Variants in BEND4 observed in about 807,000 individuals in gnomAD.
The protein encoded by BEND4 is BEN domain-containing protein 4.
In BEND4, 27 loss-of-function variants were observed where a neutral mutation model predicts 54.7. That is an observed-to-expected ratio of 0.49 (90% CI 0.36 to 0.68). BEND4 has a LOEUF of 0.68. Among genes scored for constraint, BEND4 ranks in the 30% least tolerant of loss-of-function variants. The probability of loss-of-function intolerance (pLI) is 0.00; values close to 1 mark genes in which losing one functional copy is unlikely to be tolerated. For synonymous variants in BEND4, 327 were observed against 299.5 expected (o/e 1.09, Z -0.95); for missense variants, 702 against 697.2 (o/e 1.01, Z -0.08).
chr4:42,117,711 G>A lies in BEND4; in HGVS notation c.1412C>T (p.Ser471Phe). 1.2e-6 allele frequency: 2 copies of A among 1,606,310 alleles called. No individual in the cohort carries two copies. Among genetic ancestry groups the A allele is most frequent in the Non-Finnish European group, 1.7e-6 (2 of 1,176,064 alleles). Residue 471 changes from serine to phenylalanine, a missense_variant, in exon 6 of 6, where the codon TCC (serine) becomes TTC (phenylalanine). Physicochemically the swap from Ser to Phe is radical, Grantham distance 155. Transcript: ENST00000502486. ...LREFIRMHCTSNPDWWMPSEE... is the reference protein window; with the variant it reads ...LREFIRMHCTFNPDWWMPSEE... ...CGAGGGCATCCACCAATCGGGGTTG[G>A]AGGTACAATGCATCCTAATGAATTC...
chr4:42,139,494 T>C (rs1720811380), intron 3 of BEND4, among the ~76,000 whole-genome samples: 1 of 151,382 alleles, frequency 6.6e-6, no homozygotes, highest in African/African-American at 2.4e-5. Flanking sequence ...CCTTGACAGG[T>C]GCCCAAGTGA....
chr4:42,145,503 C>T (rs1020396618), intron 2 of BEND4, among the ~76,000 whole-genome samples: 1 of 151,994 alleles, frequency 6.6e-6, no homozygotes, highest in Non-Finnish European at 1.5e-5. Flanking sequence ...ACCATCCTGG[C>T]CAACACGGTG....
chr4:42,144,966 C>A (rs1179015870), intron 2 of BEND4, among the ~76,000 whole-genome samples: 1 of 152,130 alleles, frequency 6.6e-6, no homozygotes, highest in African/African-American at 2.4e-5. Flanking sequence ...GAGAGGGGCA[C>A]TTTTCAGAGC....
intron 4 of BEND4, 34 bp from the exon 5 acceptor site, chr4:42,120,328 GAGCC>G: frequency 6.3e-7 from 1 of 1,584,984 alleles, no homozygotes; most frequent in Middle Eastern, 1.7e-4. Context: ...ATTACCCACC[GAGCC>G]AGCCAGCCAG....
chr4:42,117,686 C>T lies in BEND4; in HGVS notation c.1437G>A (p.Ser479=), dbSNP rs371099306. The T allele has an allele frequency of 6.1e-5, 98 of 1,609,940 alleles. 1 individual carries two copies. The highest frequency in any genetic ancestry group is 5.1e-4 in the South Asian group (46 of 90,028). The change falls in exon 6 of 6, where the codon TCG becomes TCA. Residue 479 remains serine (S), a synonymous_variant. Transcript: ENST00000502486. ...TGAACACTTTGTTTATCTGCTCTTC[C>T]GAGGGCATCCACCAATCGGGGTTGG... ...CTSNPDWWMP[S]EEQINKVFSD...
chr4:42,150,507 G>A (rs1462739392), intron 2 of BEND4, among the ~76,000 whole-genome samples: 1 of 152,236 alleles, frequency 6.6e-6, no homozygotes, highest in Non-Finnish European at 1.5e-5. Flanking sequence ...AACTCATTTA[G>A]ACACAACACT....
intron 5 of BEND4, among the ~76,000 whole-genome samples, chr4:42,118,588 T>C (rs1314011539): frequency 1.3e-5 from 2 of 152,210 alleles, no homozygotes. Flanking sequence ...ACTAGTTCTC[T>C]GGGATGTATT....
In BEND4 at chr4:42,143,793, T is replaced by C. The variant is rs1720977539; in HGVS notation, c.689A>G (p.Asp230Gly). 1.9e-6 allele frequency: 3 copies of C among 1,609,278 alleles called. No individual in the cohort carries two copies. Among genetic ancestry groups the C allele is most frequent in the Middle Eastern group, 1.7e-4 (1 of 6,044 alleles). Residue 230 changes from aspartate to glycine, a missense_variant, in exon 3 of 6, where the codon GAC becomes GGC. Transcript: ENST00000502486. ...GVHSQTSDNV[D>G]IEMQYMQRKQ... is the part of the protein sequence containing the mutation. ...CCTTTGCATATACTGCATCTCTATGTCTACATTGTCTGAGGTCTGACTGTG... is the reference window on the plus strand; with the variant it reads ...CCTTTGCATATACTGCATCTCTATGCCTACATTGTCTGAGGTCTGACTGTG...
intron 3 of BEND4, among the ~76,000 whole-genome samples, chr4:42,132,331 T>G (rs1435941310): frequency 6.6e-6 from 1 of 152,130 alleles, no homozygotes; most frequent in East Asian, 1.9e-4. Flanking sequence ...AGAGAGTGAG[T>G]CTTGGCTTTC....
intron 3 of BEND4, among the ~76,000 whole-genome samples, chr4:42,140,544 A>G (rs1164631379): frequency 1.3e-5 from 2 of 152,202 alleles, no homozygotes; most frequent in Admixed American, 6.5e-5. Context: ...TTTGATCATC[A>G]AGAAGGCTCA....
intron 5 of BEND4, among the ~76,000 whole-genome samples, chr4:42,118,801 G>T (rs1719947867): frequency 6.6e-6 from 1 of 152,172 alleles, no homozygotes; most frequent in Non-Finnish European, 1.5e-5. Flanking sequence ...CATCTCTGAT[G>T]ATGTCAGGGA....
In BEND4 at chr4:42,152,323, CCGCGCGGGGGGCTGCCG is replaced by C; in HGVS notation, c.-197_-181del. ...CGCTGAGGCTGGCATCGCCGAGCCC[CCGCGCGGGGGGCTGCCG>C]CCCGAGCTCCTGATTGACAGGCTGC... On this transcript the variant is annotated 5_prime_UTR_variant, in exon 2 of 6. Coordinates refer to ENST00000502486, the MANE Select transcript of BEND4 (RefSeq NM_207406.4). 2.2e-6 allele frequency: 1 copy of C among 453,708 alleles called. No homozygotes were observed. Among genetic ancestry groups the C allele is most frequent in the Non-Finnish European group, 3.4e-6 (1 of 290,448 alleles). The allele number at this position is 453,708 out of a possible 1,614,324, so 28.1% of individuals were successfully genotyped here. A position where few individuals can be genotyped will look rare whatever the true frequency, so the allele number is the denominator to read the frequency against.
chr4:42,140,613 CCAA>C (rs1720847687), intron 3 of BEND4, among the ~76,000 whole-genome samples: 1 of 152,184 alleles, frequency 6.6e-6, no homozygotes, highest in Admixed American at 6.5e-5. Flanking sequence ...TAGTGGCAAG[CCAA>C]CACTGAGTTA....
intron 3 of BEND4, 72 bp from the exon 4 acceptor site, chr4:42,125,746 T>G (rs1431823968): frequency 7.3e-6 from 4 of 551,250 alleles, no homozygotes; most frequent in African/African-American, 6.3e-5. Flanking sequence ...TTTTTTAAAG[T>G]TTTTTTTTTT....
At chr4:42,125,721 A>G (rs749327462) in intron 3 of BEND4, 47 bp from the exon 4 acceptor site, 4 of 1,242,802 alleles carry the variant, frequency 3.2e-6, no homozygotes, top group Non-Finnish European at 4.5e-6. Flanking sequence ...ATCCCGTAAC[A>G]TGAAAATAAA....
intron 2 of BEND4, among the ~76,000 whole-genome samples, chr4:42,144,614 T>C (rs545858280): frequency 5.3e-5 from 8 of 152,234 alleles, no homozygotes; most frequent in Admixed American, 3.9e-4. Flanking sequence ...TTCCTTCTTT[T>C]CATTTATTTG....
At chr4:42,141,204 G>A (rs538630631) in intron 3 of BEND4, among the ~76,000 whole-genome samples, 3 of 152,254 alleles carry the variant, frequency 2.0e-5, no homozygotes, top group South Asian at 2.1e-4. Flanking sequence ...AGGAGAAAAC[G>A]GATTTGCTGC....
intron 4 of BEND4, among the ~76,000 whole-genome samples, chr4:42,123,704 A>ACAAAAAAAACAAAAC (rs756189913): frequency 2.7e-4 from 30 of 112,946 alleles, no homozygotes; most frequent in African/African-American, 7.8e-4. Context: ...GAAAAAAAAA[A>ACAAAAAAAACAAAAC]AAAAAAAAAA....
At chr4:42,129,600 C>G (rs1377397204) in intron 3 of BEND4, among the ~76,000 whole-genome samples, 1 of 152,174 alleles carries the variant, frequency 6.6e-6, no homozygotes, top group African/African-American at 2.4e-5. Context: ...CTACAACCAT[C>G]TGATCTTCAA....
Sources: gnomAD v4.1 joint callset for allele counts (sites outside exome capture counted in the v4.1 genomes callset) on GRCh38, gnomAD v4.1.1 for gene constraint, MANE v1.5 for transcripts, NCBI Gene and HGNC (gene_info 2026-07-23, HGNC 2026-07-21) for gene names.